The following TTN variants were observed in gnomAD, a reference collection of about 807,000 sequenced individuals.
TTN encodes connectin.
Under a neutral mutation model 3,223.0 loss-of-function variants are expected in TTN, and 1,525 were observed. The ratio of observed to expected loss-of-function variants is 0.47; its 90% CI spans 0.45 to 0.49. The LOEUF is 0.49. Ranked by LOEUF, TTN falls within the 20% of genes least tolerant of loss-of-function variation. The pLI, the probability that TTN is intolerant of heterozygous loss-of-function variation, is 0.00. For synonymous variants in TTN, 14,094 were observed against 15,161.0 expected, an observed-to-expected ratio of 0.93 and a Z score of 5.17; for missense variants, 40,786 against 43,424.0, an observed-to-expected ratio of 0.94 and a Z score of 5.40.
rs138042430 is a variant in TTN at position 178,734,628 on chromosome 2, G to A, written c.15218-22C>T. On this transcript the variant is annotated intron_variant, in intron 51 of 362. Transcript: ENST00000589042. ...GGTTCTACAAAAGCATGAAAGCATTGTGTAAGTAATGGGTAATAAGTAATT... is the reference window on the plus strand; with the variant it reads ...GGTTCTACAAAAGCATGAAAGCATTATGTAAGTAATGGGTAATAAGTAATT... 9 of 1,561,098 alleles carry A rather than the reference G, an allele frequency of 5.8e-6. No homozygotes were observed. In the Admixed American group the frequency reaches 1.7e-4, roughly 29 times the overall value.
Position 178,773,357 on chromosome 2 carries a change from A to C in TTN, c.7607T>G (p.Ile2536Ser). The part of the protein sequence containing the change: ...CNLSVEKIKI[I>S]RGLRDLTCTE... ...ACAGGTAAGGTCACGAAGACCTCTG[A>C]TAATTTTAATTTCTGGGGAAAAAAT... Residue 2536 changes from isoleucine (I) to serine (S), a missense_variant, in exon 33 of 363, where the codon ATC (isoleucine) becomes AGC (serine). By Grantham distance (142) the Ile-to-Ser change is moderately radical. Transcript: ENST00000589042. The C allele has an allele frequency of 6.2e-7, 1 of 1,614,036 alleles. No individual in the cohort carries two copies. Among genetic ancestry groups the C allele is most frequent in the African/African-American group, 1.3e-5 (1 of 75,052 alleles).
chr2:178,548,721 G>A lies in TTN; in HGVS notation c.92905C>T (p.Arg30969Trp), dbSNP rs754767262. The part of the protein sequence containing the change: ...WSKPDSNLSL[R>W]ADIHTTDSFS... The stretch of plus-strand genomic sequence containing the variant: ...GAATCTGTTGTATGGATATCAGCCC[G>A]AAGGCTAAGGTTAGAGTCTGGTTTG... The change falls in exon 339 of 363, where the codon CGG (arginine) becomes TGG (tryptophan). Residue 30969 changes from arginine (R) to tryptophan (W), a missense_variant. Transcript: ENST00000589042. This position sits in a 1 kb window ranked among gnomAD's most constrained non-coding sequence, Gnocchi z 4.3. 1.5e-5 allele frequency: 25 copies of A among 1,613,804 alleles called. No individual in the cohort carries two copies. The highest frequency in any genetic ancestry group is 1.6e-4 in the Middle Eastern group (1 of 6,062).
At chr2:178,749,629 A>G (rs757750712) in intron 47 of TTN, 2 of 1,612,396 alleles carry the variant, frequency 1.2e-6, no homozygotes, top group Non-Finnish European at 1.7e-6. Context: ...TTTCGAATTG[A>G]CTATTTTCTC....
In TTN at chr2:178,568,778, A is replaced by G. The variant is rs1385070612; in HGVS notation, c.77354T>C (p.Leu25785Pro). 8 of 1,612,944 alleles carry G rather than the reference A, an allele frequency of 5.0e-6. No homozygotes were observed. Among genetic ancestry groups the G allele is most frequent in the Admixed American group, 1.7e-5 (1 of 59,948 alleles). ...NEKGRSDPRS[L>P]AVPIVAKDLV... ...ATCTTTGGCAACTATTGGAACTGCA[A>G]GGGACCGAGGATCACTTCTCCCCTT... The change falls in exon 326 of 363, where the codon CTT becomes CCT. Residue 25785 changes from leucine to proline, a missense_variant. Physicochemically the swap from Leu to Pro is moderately conservative, Grantham distance 98. Coordinates refer to ENST00000589042, the MANE Select transcript of TTN (RefSeq NM_001267550.2).
intron 350 of TTN, among the ~76,000 whole-genome samples, chr2:178,540,786 ACT>A (rs1694064110): frequency 6.6e-6 from 1 of 152,104 alleles, no homozygotes; most frequent in Admixed American, 6.6e-5. Context: ...ACAGAGTGAG[ACT>A]CTGTCTCAAA....
rs367780800 is a variant in TTN, at chr2:178,600,947, C to T, written c.55957G>A (p.Gly18653Arg). ...QFTVEDLVEG[G>R]EYEFRVKAVN... ...GCTTTGACTCGGAATTCATATTCCC[C>T]ACCCTCTACTAGGTCTTCAACAGTA... Residue 18653 changes from glycine to arginine, a missense_variant, in exon 288 of 363, where the codon GGG (glycine) becomes AGG (arginine). Coordinates refer to ENST00000589042, the MANE Select transcript of TTN (RefSeq NM_001267550.2). 6.2e-7 allele frequency: 1 copy of T among 1,613,022 alleles called. No homozygotes were observed. Among genetic ancestry groups the T allele is most frequent in the Non-Finnish European group, 8.5e-7 (1 of 1,179,308 alleles).
chr2:178,571,658 C>G lies in TTN; in HGVS notation c.74474G>C (p.Ser24825Thr). 4 of 1,613,402 alleles carry G rather than the reference C, an allele frequency of 2.5e-6. No homozygotes were observed. Among genetic ancestry groups the G allele is most frequent in the Non-Finnish European group, 2.5e-6 (3 of 1,179,586 alleles). ...GGGTGGGCCCCAGGAAAGAGTAATA[C>G]TATCAGCTGTCACTTCATCCATTTT... ...PVKMDEVTAD[S>T]ITLSWGPPKY... is the part of the protein sequence containing the mutation. Residue 24825 changes from serine to threonine, a missense_variant, in exon 326 of 363, where the codon AGT (serine) becomes ACT (threonine). Coordinates refer to ENST00000589042, the MANE Select transcript of TTN (RefSeq NM_001267550.2).
At chr2:178,677,311 C>A in intron 146 of TTN, 24 bp from the exon 147 acceptor site, 1 of 1,056,120 alleles carries the variant, frequency 9.5e-7, no homozygotes, top group Non-Finnish European at 1.1e-6. Flanking sequence ...CATTTGAAGG[C>A]ATTAAAAACC....
chr2:178,632,384 T>C lies in TTN; in HGVS notation c.43510A>G (p.Lys14504Glu). 1 of 1,597,632 alleles carries C rather than the reference T, an allele frequency of 6.3e-7. No homozygotes were observed. The highest frequency in any genetic ancestry group is 1.3e-5 in the African/African-American group (1 of 74,578). The change falls in exon 236 of 363, where the codon AAA becomes GAA. Residue 14504 changes from lysine (K) to glutamate (E), a missense_variant. Physicochemically the swap from Lys to Glu is moderately conservative, Grantham distance 56. Transcript: ENST00000589042. ...TCCTTCTCTTTGGCAGTTACATCTT[T>C]GAGAGGGGTGAGGAATTTGAGCCGG... ...GIRLKFLTPL[K>E]DVTAKEKESA...
chr2:178,735,124 G>T (rs1470415659), intron 50 of TTN, 136 bp from the exon 51 acceptor site: 32 of 951,438 alleles, frequency 3.4e-5, no homozygotes, highest in Non-Finnish European at 4.5e-5. Context: ...AAGCTGTGGT[G>T]CATTTAATAG....
chr2:178,771,449 G>C lies in TTN; in HGVS notation c.7878C>G (p.Leu2626=). The C allele has an allele frequency of 6.2e-7, 1 of 1,613,892 alleles. No individual in the cohort carries two copies. Among genetic ancestry groups the C allele is most frequent in the Non-Finnish European group, 8.5e-7 (1 of 1,179,820 alleles). ...TVAGGAISKP[L]TDQTVAESQE... is the part of the protein sequence containing the mutation. ...GGGATTCAGCTACGGTCTGATCTGT[G>C]AGTGGCTTGGAGATGGCCCCACCTT... Residue 2626 remains leucine (L), a synonymous_variant, in exon 34 of 363, where the codon CTC becomes CTG. Coordinates refer to ENST00000589042, the MANE Select transcript of TTN (RefSeq NM_001267550.2).
chr2:178,704,724 A>G lies in TTN; in HGVS notation c.29748T>C (p.Asp9916=), dbSNP rs990983452. Residue 9916 remains aspartate, a synonymous_variant, in exon 105 of 363, where the codon GAT becomes GAC. Coordinates refer to ENST00000589042, the MANE Select transcript of TTN (RefSeq NM_001267550.2). ...IENQTVLKDN[D]AVFEIDIKIN... is the part of the protein sequence containing the mutation. ...TTTTAATGTCAATTTCAAAGACAGC[A>G]TCATTATCTTTCAAAACTGTCTGAT... 22 of 1,611,126 alleles carry G rather than the reference A, an allele frequency of 1.4e-5. No individual in the cohort carries two copies. In the East Asian group the frequency reaches 3.8e-4, roughly 28 times the overall value.
rs374254751 is a variant in TTN, at chr2:178,609,278, A to G, written c.52032T>C (p.His17344=). The change falls in exon 273 of 363, where the codon CAT becomes CAC. Residue 17344 remains histidine, a synonymous_variant. Transcript: ENST00000589042. ...TTTCAACTTTGATCATATACAGACC[A>G]TGGTCAGGTCGGAGAGAATCTCGGA... The part of the protein sequence containing the change: ...LRVRDSLRPD[H]GLYMIKVEND... 7.6e-6 allele frequency: 12 copies of G among 1,583,584 alleles called. No homozygotes were observed. The highest frequency in any genetic ancestry group is 5.9e-5 in the South Asian group (5 of 84,514).
In TTN at chr2:178,548,341, C is replaced by T. The variant is rs1378274593; in HGVS notation, c.93285G>A (p.Glu31095=). 1.2e-6 allele frequency: 2 copies of T among 1,613,740 alleles called. No homozygotes were observed. Among genetic ancestry groups the T allele is most frequent in the Non-Finnish European group, 1.7e-6 (2 of 1,179,820 alleles). ...PYYFRVSAVN[E]YGVGEPYEMP... ...TTTCATAGGGCTCACCAACACCATA[C>T]TCATTTACTGCAGAAACACGGAAAT... is the stretch of plus-strand genomic sequence containing the variant. The change falls in exon 339 of 363, where the codon GAG becomes GAA. Residue 31095 remains glutamate (E), a synonymous_variant. Coordinates refer to ENST00000589042, the MANE Select transcript of TTN (RefSeq NM_001267550.2). The surrounding 1 kb of genome is among the most constrained non-coding windows in gnomAD (Gnocchi z 4.3).
intron 152 of TTN, among the ~76,000 whole-genome samples, 171 bp downstream of exon 152, chr2:178,673,462 C>T (rs1052472247): frequency 3.0e-4 from 45 of 151,590 alleles, no homozygotes; most frequent in African/African-American, 9.0e-4. Context: ...CACAATTATT[C>T]GTTAACATCC....
chr2:178,589,573 C>T lies in TTN; in HGVS notation c.62152G>A (p.Val20718Met), dbSNP rs2049781632. 1 of 1,613,402 alleles carries T rather than the reference C, an allele frequency of 6.2e-7. No individual in the cohort carries two copies. The highest frequency in any genetic ancestry group is 1.1e-5 in the South Asian group (1 of 91,056). The change falls in exon 304 of 363, where the codon GTG (valine) becomes ATG (methionine). Residue 20718 changes from valine to methionine, a missense_variant. Coordinates refer to ENST00000589042, the MANE Select transcript of TTN (RefSeq NM_001267550.2). Reference protein sequence around the residue: ...RLKGSDDWERVHKGSIKETHY... With the variant: ...RLKGSDDWERMHKGSIKETHY... ...GTTTCTTTAATGCTTCCTTTATGCA[C>T]TCTTTCCCAGTCATCGGAGCCCTTA...
At chr2:178,713,405 AAAC>A (rs766986868) in intron 92 of TTN, 33 bp from the exon 93 acceptor site, 10 of 1,465,474 alleles carry the variant, frequency 6.8e-6, no homozygotes, top group Non-Finnish European at 9.0e-6. Flanking sequence ...AAACAAAACA[AAAC>A]AAAAAAAACA....
At position 178,775,062 on chromosome 2, in the gene TTN, C is replaced by T; in HGVS notation, c.6649G>A (p.Gly2217Arg). 3 of 1,613,992 alleles carry T rather than the reference C, an allele frequency of 1.9e-6. No individual in the cohort carries two copies. Among genetic ancestry groups the T allele is most frequent in the Non-Finnish European group, 2.5e-6 (3 of 1,179,964 alleles). ...WYKDGMEVHE[G>R]DKYRMHSDRK... The stretch of plus-strand genomic sequence containing the variant: ...TCAGAGTGCATCCTGTATTTATCTC[C>T]CTCATGAACCTCCATACCATCTTTA... The change falls in exon 29 of 363, where the codon GGA (glycine) becomes AGA (arginine). Residue 2217 changes from glycine to arginine, a missense_variant. Gly to Arg is a moderately radical substitution (Grantham distance 125). Transcript: ENST00000589042.
At chr2:178,745,188 G>A (rs1186274013) in intron 47 of TTN, 3 of 1,002,374 alleles carry the variant, frequency 3.0e-6, no homozygotes, top group African/African-American at 1.7e-5. Context: ...CAATTTGTCT[G>A]CGTGGTCATC....
Sources: allele counts gnomAD v4.1 joint callset (sites outside exome capture counted in the v4.1 genomes callset), GRCh38; gene constraint gnomAD v4.1.1; non-coding constraint Gnocchi (gnomAD v3.1); transcripts MANE v1.5; gene names NCBI Gene and HGNC (gene_info 2026-07-23, HGNC 2026-07-21).